The following FNBP1 variants were observed in gnomAD, a reference collection of about 807,000 sequenced individuals.
FNBP1 encodes the protein formin-binding protein 1.
FNBP1 carries 26 observed loss-of-function variants against 90.6 expected under a neutral mutation model. That is an observed-to-expected ratio of 0.29 (90% CI 0.21 to 0.40). The LOEUF is 0.40. Ranked by LOEUF, FNBP1 falls within the 10% of genes least tolerant of loss-of-function variation. The pLI, the probability that FNBP1 is intolerant of heterozygous loss-of-function variation, is 1.00. For missense variants in FNBP1, 635 were observed against 768.0 expected (o/e 0.83, Z 2.05); for synonymous variants, 260 against 265.2 (o/e 0.98, Z 0.19).
At chr9:130,024,401 G>A (rs1430729460) in intron 1 of FNBP1, among the ~76,000 whole-genome samples, 1 of 152,196 alleles carries the variant, frequency 6.6e-6, no homozygotes, top group Non-Finnish European at 1.5e-5. Context: ...AGTGAGCTCT[G>A]ACAGTGCCTG....
chr9:129,912,973 A>G (rs534950572), intron 11 of FNBP1, among the ~76,000 whole-genome samples: 1 of 152,228 alleles, frequency 6.6e-6, no homozygotes, highest in East Asian at 1.9e-4. Context: ...TAATCCCAGC[A>G]CTTTGGGAGG....
At chr9:129,998,926 A>T (rs1378867520) in intron 1 of FNBP1, among the ~76,000 whole-genome samples, 1 of 152,184 alleles carries the variant, frequency 6.6e-6, no homozygotes, top group Non-Finnish European at 1.5e-5. Context: ...TAATAATAAA[A>T]ACCTTACTCA....
In FNBP1 at chr9:130,042,106, C is replaced by T. The variant is rs956446875; in HGVS notation, c.24+846G>A. On this transcript the variant is annotated intron_variant, in intron 1 of 16. Transcript: ENST00000446176. The surrounding 1 kb of genome is among the most constrained non-coding windows in gnomAD (Gnocchi z 5.5). ...AGCTCCATCCACAGCCAGCCCCTCG[C>T]CTTTCCGGGGACGGCCCTCAGCCCT... is the stretch of plus-strand genomic sequence containing the variant. 1.5e-4 allele frequency among the ~76,000 whole-genome samples: 23 copies of T among 152,114 alleles called. No homozygotes were observed. The highest frequency in any genetic ancestry group is 3.1e-4 in the Non-Finnish European group (21 of 68,016).
intron 7 of FNBP1, 101 bp from the exon 8 acceptor site, chr9:129,927,442 A>C: frequency 8.7e-7 from 1 of 1,151,472 alleles, no homozygotes; most frequent in Non-Finnish European, 1.3e-6. Flanking sequence ...TCTTTGAGGA[A>C]AAAATGGGTT....
intron 15 of FNBP1, among the ~76,000 whole-genome samples, chr9:129,896,517 G>A (rs544877127): frequency 2.8e-4 from 43 of 152,230 alleles, no homozygotes; most frequent in African/African-American, 9.9e-4. Flanking sequence ...CCGAGCAGCT[G>A]AGACTATAGG....
At position 129,887,321 on chromosome 9, in the gene FNBP1, C is replaced by T. The variant is rs573195609; in HGVS notation, c.*3218G>A. 2 of 196,472 alleles carry T rather than the reference C, an allele frequency of 1.0e-5. No individual in the cohort carries two copies. The highest frequency in any genetic ancestry group is 1.1e-5 in the Non-Finnish European group (1 of 94,360). 12.2% of individuals were successfully genotyped at this position (196,472 alleles called of 1,614,324 possible). A position where few individuals can be genotyped will look rare whatever the true frequency, so the allele number is the denominator to read the frequency against. On this transcript the variant is annotated 3_prime_UTR_variant, in exon 17 of 17. Coordinates refer to ENST00000446176, the MANE Select transcript of FNBP1 (RefSeq NM_015033.3). ...GGCAACTCTAGGACCTTTACAGTGGCGATCGGCCTCACACAGCAAAATGCC... is the reference window on the plus strand; with the variant it reads ...GGCAACTCTAGGACCTTTACAGTGGTGATCGGCCTCACACAGCAAAATGCC...
chr9:130,040,079 G>C (rs546511353), intron 1 of FNBP1, among the ~76,000 whole-genome samples: 1 of 151,972 alleles, frequency 6.6e-6, no homozygotes, highest in Non-Finnish European at 1.5e-5. Flanking sequence ...ACTGCCCTCC[G>C]CTGGGCTACC....
chr9:129,891,128 C>A (rs918113389), intron 16 of FNBP1, among the ~76,000 whole-genome samples: 5 of 146,642 alleles, frequency 3.4e-5, no homozygotes, highest in African/African-American at 1.3e-4. Context: ...GCACTCCAGC[C>A]TGGACAACAG....
chr9:129,914,793 A>ATATATCTATC (rs1173294546), intron 11 of FNBP1: 1 of 161,448 alleles, frequency 6.2e-6, no homozygotes, highest in Non-Finnish European at 1.3e-5. Flanking sequence ...ATATATATAT[A>ATATATCTATC]TCTCACCATA....
At chr9:130,045,743 G>A (rs1385170325), upstream of FNBP1, among the ~76,000 whole-genome samples, 1 of 152,100 alleles carries the variant, frequency 6.6e-6, no homozygotes, top group African/African-American at 2.4e-5. Flanking sequence ...AAATAAAGGA[G>A]AGAGACACCA....
chr9:129,961,144 C>G (rs948325369), intron 4 of FNBP1, among the ~76,000 whole-genome samples: 1 of 151,932 alleles, frequency 6.6e-6, no homozygotes, highest in Admixed American at 6.6e-5. Context: ...GAAACCCCGT[C>G]TCTACTAAAA....
chr9:130,038,995 G>GA (rs535228642), intron 1 of FNBP1, among the ~76,000 whole-genome samples: 37 of 147,708 alleles, frequency 2.5e-4, no homozygotes, highest in East Asian at 1.8e-3. Flanking sequence ...AAGTAGGCAA[G>GA]AAAAAAAAAA....
intron 10 of FNBP1, among the ~76,000 whole-genome samples, chr9:129,917,423 C>T (rs1220794522): frequency 6.6e-6 from 1 of 152,050 alleles, no homozygotes; most frequent in Non-Finnish European, 1.5e-5. Context: ...GCCTCAACCT[C>T]TAGAGCTCAA....
chr9:129,913,534 G>C (rs1056415892), intron 11 of FNBP1, among the ~76,000 whole-genome samples: 8 of 152,218 alleles, frequency 5.3e-5, no homozygotes, highest in Non-Finnish European at 8.8e-5. Flanking sequence ...ACTGTGGGGG[G>C]CTGAGGTGGG....
chr9:129,924,177 A>T (rs868099436), intron 9 of FNBP1, among the ~76,000 whole-genome samples, 151 bp from the exon 10 acceptor site: 1 of 152,350 alleles, frequency 6.6e-6, no homozygotes, highest in Middle Eastern at 3.4e-3. Context: ...AACATGTAGG[A>T]GGTGGTTAAA....
At chr9:129,929,047 C>T (rs775841621) in intron 7 of FNBP1, among the ~76,000 whole-genome samples, 10 of 151,710 alleles carry the variant, frequency 6.6e-5, no homozygotes, top group Admixed American at 2.0e-4. Context: ...TGCAGTGGGT[C>T]GTGATTGTGC....
At chr9:129,959,643 C>T (rs187240872) in intron 4 of FNBP1, among the ~76,000 whole-genome samples, 5 of 152,182 alleles carry the variant, frequency 3.3e-5, no homozygotes, top group East Asian at 1.9e-4. Context: ...CTTGGAAAAA[C>T]GACAGGAATG....
chr9:129,942,290 A>C (rs2044442258), intron 6 of FNBP1, among the ~76,000 whole-genome samples: 1 of 152,240 alleles, frequency 6.6e-6, no homozygotes, highest in Non-Finnish European at 1.5e-5. Context: ...AAAAGGAGTG[A>C]CATGGAAGAT....
At chr9:129,995,072 C>T in intron 1 of FNBP1, 114 bp from the exon 2 acceptor site, 1 of 651,046 alleles carries the variant, frequency 1.5e-6, no homozygotes, top group Non-Finnish European at 2.7e-6. Flanking sequence ...TAATATTTTC[C>T]ATGATTATAC....
Sources: allele counts gnomAD v4.1 joint callset (sites outside exome capture counted in the v4.1 genomes callset), GRCh38; gene constraint gnomAD v4.1.1; non-coding constraint Gnocchi (gnomAD v3.1); transcripts MANE v1.5; gene names NCBI Gene and HGNC (gene_info 2026-07-23, HGNC 2026-07-21).